Variants in NELL1 observed in about 807,000 individuals in gnomAD.
NELL1 encodes neural EGFL like 1, also known as protein kinase C-binding protein NELL1.
In NELL1, 76 loss-of-function variants were observed where a neutral mutation model predicts 107.4. The ratio of observed to expected loss-of-function variants is 0.71; its 90% confidence interval spans 0.59 to 0.86. The LOEUF is 0.86. Ranked by LOEUF, NELL1 falls within the 40% of genes least tolerant of loss-of-function variation. The pLI is 0.00. For missense variants in NELL1, 1,024 were observed against 1,005.5 expected (o/e 1.02, Z -0.25); for synonymous variants, 353 against 341.2 (o/e 1.03, Z -0.38).
intron 12 of NELL1, among the ~76,000 whole-genome samples, chr11:21,003,557 A>T (rs576636154): frequency 2.5e-4 from 38 of 152,218 alleles, no homozygotes; most frequent in African/African-American, 8.7e-4. Flanking sequence ...GCCCATAGTC[A>T]TGGGGCCTGT....
intron 15 of NELL1, among the ~76,000 whole-genome samples, chr11:21,386,705 G>T (rs1211748932): frequency 1.3e-5 from 2 of 151,874 alleles, no homozygotes; most frequent in Non-Finnish European, 2.9e-5. Context: ...TTTTCCAGAT[G>T]CTTGGTCTCC....
chr11:21,119,837 T>G (rs532994993), intron 13 of NELL1, among the ~76,000 whole-genome samples: 1 of 152,244 alleles, frequency 6.6e-6, no homozygotes, highest in African/African-American at 2.4e-5. Flanking sequence ...TGACTTTCAT[T>G]TATCCCCAAC....
intron 15 of NELL1, among the ~76,000 whole-genome samples, chr11:21,405,031 C>A (rs1049258928): frequency 1.7e-4 from 26 of 152,002 alleles, no homozygotes; most frequent in African/African-American, 5.6e-4. Flanking sequence ...GCAAGTAAGC[C>A]TGTGTTTGAA....
chr11:20,855,427 A>G (rs917700548), intron 4 of NELL1, among the ~76,000 whole-genome samples: 1 of 152,198 alleles, frequency 6.6e-6, no homozygotes, highest in Non-Finnish European at 1.5e-5. Context: ...TTAAAAAGAA[A>G]GCATTTTGTT....
At chr11:21,329,699 A>G (rs1850229567) in intron 14 of NELL1, among the ~76,000 whole-genome samples, 1 of 151,968 alleles carries the variant, frequency 6.6e-6, no homozygotes, top group Admixed American at 6.6e-5. Flanking sequence ...TTTTTGTGTA[A>G]TGTTTTAATT....
At chr11:20,785,070 G>T (rs1856926899) in intron 3 of NELL1, among the ~76,000 whole-genome samples, 1 of 152,170 alleles carries the variant, frequency 6.6e-6, no homozygotes, top group Non-Finnish European at 1.5e-5. Context: ...GGTAAGGGAA[G>T]AAGGGTGTTA....
At chr11:20,767,271 C>T (rs1856552073) in intron 2 of NELL1, among the ~76,000 whole-genome samples, 1 of 152,172 alleles carries the variant, frequency 6.6e-6, no homozygotes, top group Non-Finnish European at 1.5e-5. Context: ...AAAGCTTCCA[C>T]AGCATGGAAG....
chr11:21,443,067 A>C (rs1054628875), intron 15 of NELL1, among the ~76,000 whole-genome samples: 1 of 149,514 alleles, frequency 6.7e-6, no homozygotes, highest in African/African-American at 2.5e-5. Flanking sequence ...TTTGGCTCAC[A>C]GTTCTGGAGG....
chr11:20,790,780 T>G (rs1321972535), intron 3 of NELL1, among the ~76,000 whole-genome samples: 1 of 152,136 alleles, frequency 6.6e-6, no homozygotes, highest in Non-Finnish European at 1.5e-5. Flanking sequence ...CCTGGGGAAC[T>G]TCTACCCCAA....
intron 9 of NELL1, among the ~76,000 whole-genome samples, chr11:20,932,424 T>A (rs898005395): frequency 2.7e-4 from 41 of 152,074 alleles, no homozygotes; most frequent in Admixed American, 1.0e-3. Flanking sequence ...TTTATGTAGG[T>A]GAGAGGTTGA....
At chr11:21,471,468 G>A (rs1854180098) in intron 15 of NELL1, among the ~76,000 whole-genome samples, 1 of 152,006 alleles carries the variant, frequency 6.6e-6, no homozygotes. Context: ...ATAAATGTCA[G>A]CAGCATGATA....
In NELL1 at chr11:21,269,732, T is replaced by A. The variant is rs180965873; in HGVS notation, c.1549+40278T>A. ...AATCATATAGTTCAAATCATGGATCTACATAAAGAAAGAAAGAGCATCAGC... is the reference window on the plus strand; with the variant it reads ...AATCATATAGTTCAAATCATGGATCAACATAAAGAAAGAAAGAGCATCAGC... On this transcript the variant is annotated intron_variant, in intron 14 of 19. Coordinates refer to ENST00000357134, the MANE Select transcript of NELL1 (RefSeq NM_006157.5). Among the ~76,000 whole-genome samples, 12 of 152,222 alleles carry A rather than the reference T, an allele frequency of 7.9e-5. No individual in the cohort carries two copies. The East Asian group carries it at 2.1e-3, about 27-fold the overall frequency.
chr11:21,289,482 A>G (rs947398502), intron 14 of NELL1, among the ~76,000 whole-genome samples: 3 of 152,224 alleles, frequency 2.0e-5, no homozygotes, highest in African/African-American at 7.2e-5. Context: ...ATTCTGACCC[A>G]GATACTATGC....
intron 2 of NELL1, among the ~76,000 whole-genome samples, chr11:20,710,887 C>A (rs1429609702): frequency 6.6e-6 from 1 of 151,942 alleles, no homozygotes; most frequent in Non-Finnish European, 1.5e-5. Flanking sequence ...TGTTTCATTT[C>A]TAATTGAGCT....
intron 12 of NELL1, among the ~76,000 whole-genome samples, chr11:20,995,813 C>T (rs1022510964): frequency 6.6e-6 from 1 of 152,110 alleles, no homozygotes; most frequent in African/African-American, 2.4e-5. Context: ...TTCTGTAAAT[C>T]ACCTCCTTAG....
intron 12 of NELL1, among the ~76,000 whole-genome samples, chr11:21,007,710 C>A (rs1360227393): frequency 1.3e-5 from 2 of 151,968 alleles, no homozygotes; most frequent in African/African-American, 4.8e-5. Context: ...AGGTGCTATG[C>A]AATTATGACT....
chr11:21,339,529 T>C (rs538043676), intron 14 of NELL1, among the ~76,000 whole-genome samples: 108 of 152,128 alleles, frequency 7.1e-4, no homozygotes, highest in Non-Finnish European at 1.3e-3. Flanking sequence ...CTCTCCAAAC[T>C]GGTACATTTC....
At chr11:21,479,704 T>G (rs1272925824) in intron 15 of NELL1, among the ~76,000 whole-genome samples, 2 of 152,158 alleles carry the variant, frequency 1.3e-5, no homozygotes, top group East Asian at 3.9e-4. Context: ...GTTAGTTACA[T>G]AAAGAAAGGA....
chr11:21,353,705 G>C (rs1850867420), intron 14 of NELL1, among the ~76,000 whole-genome samples: 1 of 152,134 alleles, frequency 6.6e-6, no homozygotes, highest in Non-Finnish European at 1.5e-5. Flanking sequence ...GGCAGCCAAA[G>C]AAAGGTCGAA....
Sources: allele counts gnomAD v4.1 joint callset (sites outside exome capture counted in the v4.1 genomes callset), GRCh38; gene constraint gnomAD v4.1.1; transcripts MANE v1.5; gene names NCBI Gene and HGNC (gene_info 2026-07-23, HGNC 2026-07-21).